ACSS3: variants seen among roughly 807,000 people sequenced by gnomAD.
ACSS3 encodes acyl-CoA synthetase short-chain family member 3, mitochondrial.
In ACSS3, 64 loss-of-function variants were observed where a neutral mutation model predicts 84.2. That is an observed-to-expected ratio of 0.76 (90% CI 0.62 to 0.94). ACSS3 has a LOEUF of 0.94. ACSS3 is among the 40% of genes least tolerant of loss of function. The pLI, the probability that ACSS3 is intolerant of heterozygous loss-of-function variation, is 0.00. For synonymous variants in ACSS3, 317 were observed against 310.1 expected, an observed-to-expected ratio of 1.02 and a Z score of -0.23; for missense variants, 815 against 867.6, an observed-to-expected ratio of 0.94 and a Z score of 0.76.
At chr12:81,123,571 AT>A (rs1177815689) in intron 2 of ACSS3, among the ~76,000 whole-genome samples, 1 of 152,038 alleles carries the variant, frequency 6.6e-6, no homozygotes, top group Non-Finnish European at 1.5e-5. Context: ...TGTTGTTCAG[AT>A]GAGCACAGTA....
chr12:81,132,822 G>T (rs1593108848), intron 2 of ACSS3, among the ~76,000 whole-genome samples: 1 of 152,132 alleles, frequency 6.6e-6, no homozygotes, highest in East Asian at 1.9e-4. Context: ...CACAGCTTTG[G>T]CTATGACTAG....
chr12:81,137,954 C>A (rs1042502015), intron 3 of ACSS3, among the ~76,000 whole-genome samples: 1 of 152,056 alleles, frequency 6.6e-6, no homozygotes, highest in African/African-American at 2.4e-5. Flanking sequence ...ACTGGCCTTC[C>A]TTCTGCCTTC....
At chr12:81,224,574 ATG>A (rs72129467) in intron 11 of ACSS3, among the ~76,000 whole-genome samples, 1,392 of 71,778 alleles carry the variant, frequency 0.019, 9 homozygotes, top group African/African-American at 0.029. Flanking sequence ...ACACACACAC[ATG>A]TGTGTGTGTG....
At chr12:81,117,370 A>G (rs1025298448) in intron 2 of ACSS3, among the ~76,000 whole-genome samples, 1 of 152,224 alleles carries the variant, frequency 6.6e-6, no homozygotes, top group African/African-American at 2.4e-5. Context: ...GTGAAGAACA[A>G]TAAAAGGCTA....
At chr12:81,126,169 A>G (rs1273583706) in intron 2 of ACSS3, among the ~76,000 whole-genome samples, 1 of 152,160 alleles carries the variant, frequency 6.6e-6, no homozygotes, top group Non-Finnish European at 1.5e-5. Flanking sequence ...TTCTCTCTCT[A>G]TACTAAACTG....
intron 8 of ACSS3, among the ~76,000 whole-genome samples, chr12:81,191,754 A>G (rs954069599): frequency 6.6e-6 from 1 of 152,008 alleles, no homozygotes; most frequent in Non-Finnish European, 1.5e-5. Flanking sequence ...TTACCATATC[A>G]CCTATATTTC....
chr12:81,175,082 A>G, intron 8 of ACSS3, 143 bp downstream of exon 8: 1 of 883,758 alleles, frequency 1.1e-6, no homozygotes, highest in Non-Finnish European at 1.6e-6. Context: ...ACTTGTCTAA[A>G]TATAATTTTG....
At chr12:81,102,045 G>GCACACA (rs68004924) in intron 1 of ACSS3, among the ~76,000 whole-genome samples, 115 of 149,158 alleles carry the variant, frequency 7.7e-4, no homozygotes, top group East Asian at 3.0e-3. Context: ...TTATGCACAC[G>GCACACA]CACACACACA....
rs201434000 is a variant in ACSS3 at position 81,237,945 on chromosome 12, GA to G, written c.1719+4477del. ...CTTGCCTTGTTCCAGATCTTAGTGG[GA>G]AAGTTTTGAATTTCTCACCATTGAG... On this transcript the variant is annotated intron_variant, in intron 13 of 15. Coordinates refer to ENST00000548058, the MANE Select transcript of ACSS3 (RefSeq NM_024560.4). 6.1e-4 allele frequency among the ~76,000 whole-genome samples: 93 copies of G among 151,748 alleles called. 1 individual carries two copies. In the East Asian group the frequency reaches 0.013, roughly 21 times the overall value.
chr12:81,145,102 G>C (rs1886276276), intron 5 of ACSS3, among the ~76,000 whole-genome samples: 2 of 121,840 alleles, frequency 1.6e-5, no homozygotes, highest in South Asian at 5.3e-4. Flanking sequence ...ATTTTTAGTA[G>C]AGATGGGGTT....
At chr12:81,197,409 G>C (rs995717057) in intron 8 of ACSS3, among the ~76,000 whole-genome samples, 1 of 152,088 alleles carries the variant, frequency 6.6e-6, no homozygotes, top group Non-Finnish European at 1.5e-5. Flanking sequence ...AATTGGTAAC[G>C]TGAGAACTTG....
intron 1 of ACSS3, among the ~76,000 whole-genome samples, chr12:81,108,048 C>T (rs1012556571): frequency 2.0e-5 from 3 of 151,900 alleles, no homozygotes; most frequent in Non-Finnish European, 4.4e-5. Context: ...AGGAAAGAGA[C>T]AAAATACTTT....
intron 3 of ACSS3, among the ~76,000 whole-genome samples, chr12:81,136,250 G>A (rs1293083581): frequency 6.6e-6 from 1 of 152,136 alleles, no homozygotes; most frequent in Non-Finnish European, 1.5e-5. Flanking sequence ...TATGAATTTA[G>A]TGCAGGAGTT....
intron 2 of ACSS3, among the ~76,000 whole-genome samples, chr12:81,122,587 C>A (rs890037677): frequency 6.6e-6 from 1 of 152,034 alleles, no homozygotes; most frequent in Admixed American, 6.6e-5. Context: ...ATAACCTTAT[C>A]TAGATAACTT....
intron 8 of ACSS3, among the ~76,000 whole-genome samples, chr12:81,181,768 A>AAG (rs1555178623): frequency 4.9e-5 from 7 of 143,728 alleles, no homozygotes; most frequent in Non-Finnish European, 7.7e-5. Flanking sequence ...AAAAAAAAAA[A>AAG]GCAATAGAGA....
At chr12:81,114,975 A>G (rs4412804) in intron 2 of ACSS3, among the ~76,000 whole-genome samples, 134,066 of 152,068 alleles carry the variant, frequency 0.88, 60,309 homozygotes, top group Middle Eastern at 0.97. Context: ...CTGCTTTTGA[A>G]CTTTATACAA....
chr12:81,247,960 G>A (rs1228568218), intron 13 of ACSS3, among the ~76,000 whole-genome samples: 1 of 151,928 alleles, frequency 6.6e-6, no homozygotes, highest in African/African-American at 2.4e-5. Flanking sequence ...TTTAAGTACA[G>A]TAAAAATATC....
At chr12:81,195,580 CA>C (rs990568601) in intron 8 of ACSS3, among the ~76,000 whole-genome samples, 6 of 151,614 alleles carry the variant, frequency 4.0e-5, no homozygotes, top group East Asian at 1.9e-4. Context: ...TGTAATTTGT[CA>C]AAAAAATTGT....
chr12:81,218,424 A>T (rs188842004), intron 10 of ACSS3, among the ~76,000 whole-genome samples: 1 of 152,212 alleles, frequency 6.6e-6, no homozygotes, highest in Non-Finnish European at 1.5e-5. Context: ...CTTCTCTAAC[A>T]TAAAAATATT....
Sources: allele counts gnomAD v4.1 joint callset (sites outside exome capture counted in the v4.1 genomes callset), GRCh38; gene constraint gnomAD v4.1.1; transcripts MANE v1.5; gene names NCBI Gene and HGNC (gene_info 2026-07-23, HGNC 2026-07-21).